LCK: variants seen among roughly 807,000 people sequenced by gnomAD.
LCK encodes the protein tyrosine-protein kinase Lck.
In LCK, 14 loss-of-function variants were observed where a neutral mutation model predicts 64.6. The ratio of observed to expected loss-of-function variants is 0.22; its 90% CI spans 0.14 to 0.34. LCK has a LOEUF of 0.34. Ranked by LOEUF, LCK falls within the 10% of genes least tolerant of loss-of-function variation. The probability of loss-of-function intolerance (pLI) is 1.00; values close to 1 mark genes in which losing one functional copy is unlikely to be tolerated. For missense variants in LCK, 434 were observed against 668.1 expected (o/e 0.65, Z 3.86); for synonymous variants, 277 against 263.6 (o/e 1.05, Z -0.49).
At position 32,285,300 on chromosome 1, in the gene LCK, T is replaced by A. The variant is rs185264536; in HGVS notation, c.1328-214T>A. On this transcript the variant is annotated intron_variant, in intron 12 of 12. Transcript: ENST00000336890. ...TGGGCAACAAGAGTGAAATTGCATC[T>A]CAAAAAAAAAGAAAAGGAAATAATC... 3.1e-3 allele frequency among the ~76,000 whole-genome samples: 463 copies of A among 151,756 alleles called. 2 individuals carry two copies. The highest frequency in any genetic ancestry group is 4.4e-3 in the Non-Finnish European group (301 of 67,926).
At chr1:32,252,364 G>A (rs1240554626) in intron 1 of LCK, among the ~76,000 whole-genome samples, 1 of 152,170 alleles carries the variant, frequency 6.6e-6, no homozygotes, top group Non-Finnish European at 1.5e-5. Flanking sequence ...GGGAGGCATA[G>A]TTGCTACCTG....
chr1:32,266,699 ATCCCCTTCCCCCTCCTCCCCC>A (rs1639925420), intron 1 of LCK, among the ~76,000 whole-genome samples: 5 of 2,912 alleles, frequency 1.7e-3, no homozygotes, highest in Admixed American at 4.1e-3. Flanking sequence ...CCTCCTCCCC[ATCCCCTTCCCCCTCCTCCCCC>A]TCCCCTTCCC....
chr1:32,282,032 C>T (rs1048359269), intron 12 of LCK, among the ~76,000 whole-genome samples: 4 of 151,978 alleles, frequency 2.6e-5, no homozygotes, highest in Non-Finnish European at 4.4e-5. Flanking sequence ...ATCATGCCAC[C>T]GCACTCCAGC....
At chr1:32,270,131 G>T (rs1299339606) in intron 1 of LCK, among the ~76,000 whole-genome samples, 1 of 151,826 alleles carries the variant, frequency 6.6e-6, no homozygotes, top group African/African-American at 2.4e-5. Context: ...TTTCTTTTTA[G>T]ACAGAGTCTC....
Position 32,274,802 on chromosome 1 carries a change from G to T in LCK, c.171G>T (p.Pro57=). Residue 57 remains proline (P), a synonymous_variant, in exon 3 of 13, where the codon CCG becomes CCT. Transcript: ENST00000336890. ...PLVTYEGSNP[P]ASPLQDNLVI... ...TTACCTACGAAGGCTCCAATCCGCCGGCTTCCCCACTGCAAGGTGACCCCA... is the reference window on the plus strand; with the variant it reads ...TTACCTACGAAGGCTCCAATCCGCCTGCTTCCCCACTGCAAGGTGACCCCA... 6.2e-7 allele frequency: 1 copy of T among 1,613,778 alleles called. No homozygotes were observed. Among genetic ancestry groups the T allele is most frequent in the Non-Finnish European group, 8.5e-7 (1 of 1,179,858 alleles).
rs1640604930 is a variant in LCK, at chr1:32,286,000, A to G, written c.*284A>G. ...TCCTGAGACCACAGAGAGAGGGGAG[A>G]AGCCTGGGATTGACAGAAGCTTCTG... On this transcript the variant is annotated 3_prime_UTR_variant, in exon 13 of 13. Coordinates refer to ENST00000336890, the MANE Select transcript of LCK (RefSeq NM_005356.5). 2 of 464,670 alleles carry G rather than the reference A, an allele frequency of 4.3e-6. No homozygotes were observed. Among genetic ancestry groups the G allele is most frequent in the Non-Finnish European group, 7.8e-6 (2 of 255,632 alleles). The allele number at this position is 464,670 out of a possible 1,614,324, so 28.8% of individuals were successfully genotyped here. A position where few individuals can be genotyped will look rare whatever the true frequency, so the allele number is the denominator to read the frequency against.
intron 1 of LCK, among the ~76,000 whole-genome samples, chr1:32,260,619 C>T (rs1037764059): frequency 6.6e-6 from 1 of 151,912 alleles, no homozygotes; most frequent in Non-Finnish European, 1.5e-5. Flanking sequence ...TTTTGTGTTG[C>T]TTTGTTTGTT....
At chr1:32,269,032 G>A (rs1640005939) in intron 1 of LCK, among the ~76,000 whole-genome samples, 1 of 151,286 alleles carries the variant, frequency 6.6e-6, no homozygotes, top group Non-Finnish European at 1.5e-5. Flanking sequence ...TGCTTAGGGA[G>A]GCTGAGGGAG....
At chr1:32,255,482 T>G (rs1265247717) in intron 1 of LCK, among the ~76,000 whole-genome samples, 1 of 152,244 alleles carries the variant, frequency 6.6e-6, no homozygotes, top group Non-Finnish European at 1.5e-5. Flanking sequence ...TACATGTCAA[T>G]ACAAAATACC....
chr1:32,283,834 C>G (rs1369206590), intron 12 of LCK, among the ~76,000 whole-genome samples: 2 of 152,124 alleles, frequency 1.3e-5, no homozygotes, highest in Non-Finnish European at 2.9e-5. Context: ...CCCTGACCAT[C>G]TCATCATTCC....
In LCK at chr1:32,251,953, G is replaced by A. The variant is rs1286470564; in HGVS notation, c.-6+582G>A. 6.7e-6 allele frequency among the ~76,000 whole-genome samples: 1 copy of A among 149,166 alleles called. No homozygotes were observed. Among genetic ancestry groups the A allele is most frequent in the Non-Finnish European group, 1.5e-5 (1 of 67,606 alleles). On this transcript the variant is annotated intron_variant, in intron 1 of 12. Coordinates refer to ENST00000336890, the MANE Select transcript of LCK (RefSeq NM_005356.5). The surrounding 1 kb of genome is among the most constrained non-coding windows in gnomAD (Gnocchi z 4.0). ...GAGAGAGAGACAGAGATCACCCAAG[G>A]CATCCAGATGGACATGCGAGGAGTG...
chr1:32,282,541 C>T (rs1015325369), intron 12 of LCK, among the ~76,000 whole-genome samples: 2 of 152,202 alleles, frequency 1.3e-5, no homozygotes, highest in African/African-American at 4.8e-5. Context: ...CACGGTGACT[C>T]ACACCTGTAA....
At chr1:32,271,294 C>T (rs1008646501) in intron 1 of LCK, among the ~76,000 whole-genome samples, 2 of 152,120 alleles carry the variant, frequency 1.3e-5, no homozygotes, top group African/African-American at 2.4e-5. Context: ...TGAGCCACCA[C>T]GCCCGGCCAG....
intron 1 of LCK, among the ~76,000 whole-genome samples, chr1:32,253,067 T>G (rs1449183153): frequency 6.6e-6 from 1 of 152,084 alleles, no homozygotes; most frequent in African/African-American, 2.4e-5. Context: ...TACTTATCTG[T>G]AAAGAGGCAA....
intron 12 of LCK, among the ~76,000 whole-genome samples, chr1:32,283,288 C>CAAAAAAAAAAAAAAAAAAAAAAAAAA (rs888361880): frequency 1.9e-5 from 1 of 53,734 alleles, no homozygotes. Flanking sequence ...GACTCTGTCT[C>CAAAAAAAAAAAAAAAAAAAAAAAAAA]AAAAAAAAAA....
Position 32,276,932 on chromosome 1 carries a change from G to A in LCK, c.964+146G>A. 2.4e-6 allele frequency: 2 copies of A among 826,492 alleles called. No homozygotes were observed. The highest frequency in any genetic ancestry group is 4.3e-5 in the South Asian group (2 of 46,718). The allele number at this position is 826,492 out of a possible 1,614,324, so 51.2% of individuals were successfully genotyped here. A position where few individuals can be genotyped will look rare whatever the true frequency, so the allele number is the denominator to read the frequency against. On this transcript the variant is annotated intron_variant, in intron 9 of 12. Transcript: ENST00000336890. This position sits in a 1 kb window ranked among gnomAD's most constrained non-coding sequence, Gnocchi z 4.6. Reference sequence around the variant, plus strand: ...CCTGCCCCCTGGAGACTCACCTCCAGCCGGGCGCGGTGGCTCAGGCCTGTA... The same window carrying A: ...CCTGCCCCCTGGAGACTCACCTCCAACCGGGCGCGGTGGCTCAGGCCTGTA...
At position 32,280,109 on chromosome 1, in the gene LCK, C is replaced by A. The variant is rs575320254; in HGVS notation, c.1226C>A (p.Pro409Gln). ...AAGTTTCCCATTAAGTGGACAGCGC[C>A]AGAAGCCATTAACTACGGGACATTC... ...GAKFPIKWTA[P>Q]EAINYGTFTI... Residue 409 changes from proline to glutamine, a missense_variant, in exon 12 of 13, where the codon CCA becomes CAA. Transcript: ENST00000336890. 1 of 1,614,124 alleles carries A rather than the reference C, an allele frequency of 6.2e-7. No homozygotes were observed. Among genetic ancestry groups the A allele is most frequent in the Admixed American group, 1.7e-5 (1 of 60,004 alleles).
intron 1 of LCK, among the ~76,000 whole-genome samples, chr1:32,272,414 C>T (rs1352986497): frequency 6.6e-6 from 1 of 151,904 alleles, no homozygotes; most frequent in African/African-American, 2.4e-5. Flanking sequence ...CATAGTGAGA[C>T]CTCATCTCTA....
chr1:32,269,842 T>C (rs1238987426), intron 1 of LCK, among the ~76,000 whole-genome samples: 3 of 152,188 alleles, frequency 2.0e-5, no homozygotes, highest in Admixed American at 6.6e-5. Flanking sequence ...TAGGACAGAA[T>C]TGTGCACTGG....
Sources: gnomAD v4.1 joint callset for allele counts (sites outside exome capture counted in the v4.1 genomes callset) on GRCh38, gnomAD v4.1.1 for gene constraint, Gnocchi (gnomAD v3.1) non-coding constraint, MANE v1.5 for transcripts, NCBI Gene and HGNC (gene_info 2026-07-23, HGNC 2026-07-21) for gene names.